ANKRD44: variants seen among roughly 807,000 people sequenced by gnomAD.
ANKRD44 encodes serine/threonine-protein phosphatase 6 regulatory ankyrin repeat subunit B.
ANKRD44 carries 35 observed loss-of-function variants against 116.0 expected under a neutral mutation model. The ratio of observed to expected loss-of-function variants is 0.30; its 90% CI spans 0.23 to 0.40. The LOEUF (loss-of-function observed/expected upper bound fraction) is 0.40. Ranked by LOEUF, ANKRD44 falls within the 10% of genes least tolerant of loss-of-function variation. The pLI is 1.00. For synonymous variants in ANKRD44, 435 were observed against 461.8 expected, an observed-to-expected ratio of 0.94 and a Z score of 0.74; for missense variants, 1,014 against 1,242.6, an observed-to-expected ratio of 0.82 and a Z score of 2.77.
At chr2:197,048,542 G>C (rs996201261) in intron 16 of ANKRD44, among the ~76,000 whole-genome samples, 1 of 152,162 alleles carries the variant, frequency 6.6e-6, no homozygotes, top group Non-Finnish European at 1.5e-5. Flanking sequence ...TGGCTGCATA[G>C]TATTCCATGG....
chr2:197,121,456 T>C lies in ANKRD44; in HGVS notation c.782A>G (p.Tyr261Cys), dbSNP rs144706984. ...GTTTGGCTGGTTCACGTTAGCACCG[T>C]AGTCAATCAACTCGTTAACCACAGC... ...QDAVVNELIDYGANVNQPNNN... is the reference protein window; with the variant it reads ...QDAVVNELIDCGANVNQPNNN... Residue 261 changes from tyrosine to cysteine, a missense_variant, in exon 8 of 28, where the codon TAC (tyrosine) becomes TGC (cysteine). By Grantham distance (194) the Tyr-to-Cys change is radical (BLOSUM62 -2). Transcript: ENST00000282272. 6.6e-5 allele frequency: 107 copies of C among 1,614,100 alleles called. No individual in the cohort carries two copies. Among genetic ancestry groups the C allele is most frequent in the South Asian group, 2.2e-5 (2 of 91,090 alleles).
At chr2:197,217,846 T>C (rs1339200374) in intron 1 of ANKRD44, among the ~76,000 whole-genome samples, 3 of 152,126 alleles carry the variant, frequency 2.0e-5, no homozygotes, top group Middle Eastern at 3.2e-3. Flanking sequence ...AGTCTGTGGT[T>C]CAGCACAGAA....
At chr2:197,284,597 T>C (rs1474733234) in intron 1 of ANKRD44, among the ~76,000 whole-genome samples, 1 of 151,954 alleles carries the variant, frequency 6.6e-6, no homozygotes, top group Non-Finnish European at 1.5e-5. Flanking sequence ...AATTTTTACA[T>C]TATTAGAGCC....
chr2:197,056,662 A>G (rs189653996), intron 16 of ANKRD44, among the ~76,000 whole-genome samples: 1 of 152,304 alleles, frequency 6.6e-6, no homozygotes, highest in East Asian at 1.9e-4. Context: ...ATAATATTTT[A>G]GATGCTAGTA....
intron 1 of ANKRD44, among the ~76,000 whole-genome samples, chr2:197,254,614 C>T (rs1335023381): frequency 6.8e-6 from 1 of 146,950 alleles, no homozygotes; most frequent in African/African-American, 2.6e-5. Flanking sequence ...CACACACACA[C>T]ACACACACAC....
intron 1 of ANKRD44, among the ~76,000 whole-genome samples, chr2:197,208,079 T>G (rs2081248049): frequency 6.6e-6 from 1 of 152,202 alleles, no homozygotes; most frequent in Admixed American, 6.5e-5. Context: ...CCTCGAACTT[T>G]CTAAATATGT....
chr2:197,034,278 T>C (rs2076767149), intron 16 of ANKRD44, among the ~76,000 whole-genome samples: 1 of 152,100 alleles, frequency 6.6e-6, no homozygotes, highest in Non-Finnish European at 1.5e-5. Context: ...CAATGAGTTC[T>C]GCACATAGAG....
intron 1 of ANKRD44, among the ~76,000 whole-genome samples, chr2:197,237,637 C>G (rs1022482432): frequency 3.3e-5 from 5 of 152,190 alleles, no homozygotes; most frequent in Non-Finnish European, 7.4e-5. Context: ...ATGTAAATCA[C>G]TACAAAAGAG....
At chr2:197,009,419 AGGCTGGAGTGCAATGATATGATCTT>A (rs955742724) in intron 18 of ANKRD44, among the ~76,000 whole-genome samples, 1 of 150,206 alleles carries the variant, frequency 6.7e-6, no homozygotes, top group African/African-American at 2.5e-5. Flanking sequence ...TCTGTCGTCC[AGGCTGGAGTGCAATGATATGATCTT>A]GGCTCACTGC....
intron 2 of ANKRD44, among the ~76,000 whole-genome samples, chr2:197,156,179 T>C (rs956132527): frequency 6.6e-6 from 1 of 152,094 alleles, no homozygotes; most frequent in African/African-American, 2.4e-5. Flanking sequence ...ACCCCGTCTC[T>C]ACCAAAAATA....
chr2:196,977,108 G>T (rs1009907494), intron 21 of ANKRD44, among the ~76,000 whole-genome samples: 8 of 152,262 alleles, frequency 5.3e-5, no homozygotes, highest in South Asian at 2.1e-4. Flanking sequence ...ATTTAGGAAT[G>T]AATTTAACAA....
chr2:197,141,276 T>C (rs1438479814), intron 3 of ANKRD44, among the ~76,000 whole-genome samples: 1 of 152,204 alleles, frequency 6.6e-6, no homozygotes. Context: ...TTTGTTTTAG[T>C]TTCTGGTCTA....
At chr2:197,089,010 T>G in intron 11 of ANKRD44, 1 of 393,524 alleles carries the variant, frequency 2.5e-6, no homozygotes, top group East Asian at 3.8e-5. Flanking sequence ...CAGCCCTGGG[T>G]GAACCACAGT....
intron 16 of ANKRD44, among the ~76,000 whole-genome samples, chr2:197,055,161 T>C (rs1382287568): frequency 2.0e-5 from 3 of 152,242 alleles, no homozygotes; most frequent in African/African-American, 7.2e-5. Context: ...ACACACATTG[T>C]AGTTCTAATT....
Position 197,008,972 on chromosome 2 carries a change from C to G in ANKRD44, c.1984G>C (p.Ala662Pro), listed in dbSNP as rs1428636151. ...CCTTTGGCATCTTTCACATCGACCG[C>G]CTCCGGGTTGTCTGCAATTTCTAGC... ...LLLEIADNPE[A>P]VDVKDAKGQT... The change falls in exon 19 of 28, where the codon GCG becomes CCG. Residue 662 changes from alanine to proline, a missense_variant. Coordinates refer to ENST00000282272, the MANE Select transcript of ANKRD44 (RefSeq NM_001195144.2). The G allele has an allele frequency of 6.2e-7, 1 of 1,614,182 alleles. No homozygotes were observed.
chr2:197,187,145 A>G, intron 1 of ANKRD44, 39 bp from the exon 2 acceptor site: 1 of 1,573,862 alleles, frequency 6.4e-7, no homozygotes, highest in South Asian at 1.1e-5. Flanking sequence ...ACTAAAATTA[A>G]TACATCTGAT....
intron 7 of ANKRD44, among the ~76,000 whole-genome samples, chr2:197,122,103 T>C (rs892615726): frequency 6.6e-6 from 1 of 152,140 alleles, no homozygotes; most frequent in Non-Finnish European, 1.5e-5. Context: ...CACGGCTCCC[T>C]ATTGCTTTCT....
At chr2:196,979,955 A>C (rs2075789357) in intron 21 of ANKRD44, among the ~76,000 whole-genome samples, 1 of 152,168 alleles carries the variant, frequency 6.6e-6, no homozygotes, top group Non-Finnish European at 1.5e-5. Context: ...CACACCATCC[A>C]GGACACTCTC....
chr2:197,063,007 G>C (rs2077349294), intron 16 of ANKRD44, among the ~76,000 whole-genome samples: 1 of 152,214 alleles, frequency 6.6e-6, no homozygotes, highest in Non-Finnish European at 1.5e-5. Context: ...TCTGAGAATG[G>C]ACAGACTGCC....
Sources: gnomAD v4.1 joint callset for allele counts (sites outside exome capture counted in the v4.1 genomes callset) on GRCh38, gnomAD v4.1.1 for gene constraint, MANE v1.5 for transcripts, NCBI Gene and HGNC (gene_info 2026-07-23, HGNC 2026-07-21) for gene names.